Variants in TESK2 observed in about 807,000 individuals in gnomAD.
The protein encoded by TESK2 is testis associated actin remodelling kinase 2.
Under a neutral mutation model 57.1 loss-of-function variants are expected in TESK2, and 39 were observed. The observed-to-expected ratio is 0.68, with a 90% confidence interval of 0.53 to 0.89. The LOEUF (loss-of-function observed/expected upper bound fraction) is 0.89. TESK2 is among the 40% of genes least tolerant of loss of function. The pLI, the probability that TESK2 is intolerant of heterozygous loss-of-function variation, is 0.00. For synonymous variants in TESK2, 249 were observed against 267.9 expected (o/e 0.93, Z 0.69); for missense variants, 646 against 732.1 (o/e 0.88, Z 1.36).
intron 1 of TESK2, among the ~76,000 whole-genome samples, chr1:45,489,671 T>C (rs561334807): frequency 6.6e-6 from 1 of 152,178 alleles, no homozygotes; most frequent in Non-Finnish European, 1.5e-5. Context: ...ATGCCTGTAA[T>C]CCCAGCTACT....
At chr1:45,486,726 A>T (rs1653490164) in intron 1 of TESK2, among the ~76,000 whole-genome samples, 2 of 148,838 alleles carry the variant, frequency 1.3e-5, no homozygotes, top group Admixed American at 6.8e-5. Context: ...ATTAACTAAA[A>T]CCATAAAAAA....
At chr1:45,421,565 C>T (rs1481655542) in intron 3 of TESK2, among the ~76,000 whole-genome samples, 160 bp downstream of exon 3, 1 of 152,146 alleles carries the variant, frequency 6.6e-6, no homozygotes, top group Non-Finnish European at 1.5e-5. Context: ...TAAATTAAGT[C>T]TCAATGGGTA....
intron 1 of TESK2, among the ~76,000 whole-genome samples, chr1:45,482,980 CA>C (rs71052882): frequency 0.48 from 58,789 of 121,538 alleles, 12,327 homozygotes; most frequent in East Asian, 0.61. Context: ...AACTCCAATT[CA>C]AAAAAAAAAA....
intron 4 of TESK2, among the ~76,000 whole-genome samples, chr1:45,363,582 C>T (rs369784354): frequency 6.6e-6 from 1 of 152,190 alleles, no homozygotes; most frequent in East Asian, 1.9e-4. Context: ...CCCCTTTCCC[C>T]ACCTAGGCCT....
chr1:45,459,247 A>G (rs1308653731), intron 1 of TESK2, among the ~76,000 whole-genome samples: 2 of 152,238 alleles, frequency 1.3e-5, no homozygotes, highest in Non-Finnish European at 2.9e-5. Flanking sequence ...GGCATTTTCT[A>G]TAATACTGCC....
chr1:45,376,211 CT>C (rs1648416311), intron 4 of TESK2, among the ~76,000 whole-genome samples: 1 of 121,210 alleles, frequency 8.3e-6, no homozygotes, highest in Non-Finnish European at 1.6e-5. Flanking sequence ...TTCTTTCTCT[CT>C]CTTTTTTTTT....
intron 3 of TESK2, among the ~76,000 whole-genome samples, chr1:45,396,805 G>GTTTTTTT (rs55739766): frequency 5.4e-5 from 4 of 73,576 alleles, no homozygotes; most frequent in East Asian, 9.7e-4. Context: ...CAGCTAAGTT[G>GTTTTTTT]TTTTTTTTTT....
At chr1:45,358,170 G>A (rs190512925) in intron 4 of TESK2, among the ~76,000 whole-genome samples, 15 of 151,880 alleles carry the variant, frequency 9.9e-5, no homozygotes, top group South Asian at 4.2e-4. Flanking sequence ...AAAATTAGCC[G>A]GGCGTGGTTG....
intron 3 of TESK2, among the ~76,000 whole-genome samples, chr1:45,387,438 A>G (rs1648949252): frequency 6.6e-6 from 1 of 152,138 alleles, no homozygotes; most frequent in Non-Finnish European, 1.5e-5. Flanking sequence ...TCTTAAAGCC[A>G]TTAACAATAC....
At chr1:45,423,447 C>T (rs765227988) in intron 2 of TESK2, among the ~76,000 whole-genome samples, 1 of 151,894 alleles carries the variant, frequency 6.6e-6, no homozygotes, top group Non-Finnish European at 1.5e-5. Flanking sequence ...GTCCCAGCTA[C>T]TCGGGAGGCT....
rs752265198 is a variant in TESK2 at position 45,377,420 on chromosome 1, A to ATTT, written c.393+8489_393+8491dup. 1.4e-4 allele frequency among the ~76,000 whole-genome samples: 19 copies of ATTT among 134,706 alleles called. 1 individual carries two copies. Among genetic ancestry groups the ATTT allele is most frequent in the South Asian group, 1.2e-3 (5 of 4,174 alleles). 88.4% of individuals were successfully genotyped at this position (134,706 alleles called of 152,430 possible). ...AAAGGATTCTAATAAGAGAACAAGGATTTTTTTTTTTTTTTTTTGAGACAG... is the reference window on the plus strand; with the variant it reads ...AAAGGATTCTAATAAGAGAACAAGGATTTTTTTTTTTTTTTTTTTTTGAGACAG... On this transcript the variant is annotated intron_variant, in intron 4 of 10. Transcript: ENST00000372086.
intron 2 of TESK2, among the ~76,000 whole-genome samples, chr1:45,439,885 C>T (rs1287952749): frequency 6.6e-6 from 1 of 151,940 alleles, no homozygotes; most frequent in African/African-American, 2.4e-5. Flanking sequence ...TTGAGCCCAG[C>T]AGTTCCAGGT....
At chr1:45,384,373 A>ATCTGTCTG (rs1243870923) in intron 4 of TESK2, among the ~76,000 whole-genome samples, 43 of 135,228 alleles carry the variant, frequency 3.2e-4, no homozygotes, top group African/African-American at 1.0e-3. Context: ...GTATCTATCT[A>ATCTGTCTG]TCTATCTATC....
At chr1:45,487,923 G>A (rs546940964) in intron 1 of TESK2, among the ~76,000 whole-genome samples, 10 of 151,296 alleles carry the variant, frequency 6.6e-5, no homozygotes, top group South Asian at 2.1e-4. Context: ...TTTAGCTCCT[G>A]AGTTTTTTTT....
intron 3 of TESK2, among the ~76,000 whole-genome samples, chr1:45,420,864 AGGCGTGAGCCATCGC>A (rs1650445512): frequency 6.6e-6 from 1 of 152,228 alleles, no homozygotes; most frequent in African/African-American, 2.4e-5. Context: ...CTGGGATTAC[AGGCGTGAGCCATCGC>A]GCCCAGCCAA....
intron 3 of TESK2, 108 bp downstream of exon 3, chr1:45,421,617 T>G: frequency 6.8e-7 from 1 of 1,468,314 alleles, no homozygotes; most frequent in South Asian, 1.3e-5. Flanking sequence ...CAAGATAGAT[T>G]CAGCATGATA....
intron 3 of TESK2, among the ~76,000 whole-genome samples, chr1:45,400,867 T>C (rs375484694): frequency 2.0e-5 from 3 of 150,234 alleles, no homozygotes; most frequent in Non-Finnish European, 4.4e-5. Context: ...ACTAAAAATA[T>C]AAAAATTAAC....
rs566363776 is a variant in TESK2, at chr1:45,452,032, C to CAAAAAAAAAAAAAAA, written c.222+5517_222+5531dup. ...TGGGAGACAGAACAAGACTCCGTCT[C>CAAAAAAAAAAAAAAA]AAAAAAAAAAAAAAATTTATTTGGT... On this transcript the variant is annotated intron_variant, in intron 2 of 10. Transcript: ENST00000372086. 1.3e-4 allele frequency among the ~76,000 whole-genome samples: 14 copies of CAAAAAAAAAAAAAAA among 103,842 alleles called. 1 individual carries two copies. Among genetic ancestry groups the CAAAAAAAAAAAAAAA allele is most frequent in the South Asian group, 3.0e-4 (1 of 3,326 alleles). The allele number at this position is 103,842 out of a possible 152,430, so 68.1% of individuals were successfully genotyped here. A position where few individuals can be genotyped will look rare whatever the true frequency, so the allele number is the denominator to read the frequency against.
intron 1 of TESK2, among the ~76,000 whole-genome samples, chr1:45,486,980 G>A (rs564079845): frequency 1.4e-4 from 21 of 151,266 alleles, no homozygotes; most frequent in African/African-American, 2.9e-4. Context: ...GCACCACCAC[G>A]CCCAGCTAAT....
Sources: gnomAD v4.1 joint callset for allele counts (sites outside exome capture counted in the v4.1 genomes callset) on GRCh38, gnomAD v4.1.1 for gene constraint, MANE v1.5 for transcripts, NCBI Gene and HGNC (gene_info 2026-07-23, HGNC 2026-07-21) for gene names.